The following CDH12 variants were observed in gnomAD, a reference collection of about 807,000 sequenced individuals.
CDH12 encodes the protein cadherin-12.
Under a neutral mutation model 74.1 loss-of-function variants are expected in CDH12, and 41 were observed. That is an observed-to-expected ratio of 0.55 (90% CI 0.43 to 0.72). The LOEUF is 0.72. Ranked by LOEUF, CDH12 falls within the 30% of genes least tolerant of loss-of-function variation. CDH12 has a pLI of 0.00. For synonymous variants in CDH12, 399 were observed against 355.0 expected, an observed-to-expected ratio of 1.12 and a Z score of -1.39; for missense variants, 945 against 977.2, an observed-to-expected ratio of 0.97 and a Z score of 0.44.
chr5:22,573,494 A>C (rs891990234), intron 1 of CDH12, among the ~76,000 whole-genome samples: 10 of 152,140 alleles, frequency 6.6e-5, no homozygotes, highest in Non-Finnish European at 1.0e-4. Flanking sequence ...CACACACACA[A>C]AAAATAATAA....
chr5:21,777,443 G>A (rs1489505593), intron 11 of CDH12, among the ~76,000 whole-genome samples: 1 of 151,676 alleles, frequency 6.6e-6, no homozygotes, highest in Non-Finnish European at 1.5e-5. Flanking sequence ...TATGTACATT[G>A]CAAATAAAAA....
chr5:22,191,811 G>A (rs150709634), intron 4 of CDH12, among the ~76,000 whole-genome samples: 10,306 of 151,908 alleles, frequency 0.068, 462 homozygotes, highest in South Asian at 0.15. Context: ...TGATCCGCCC[G>A]CCTCGGCCTC....
At chr5:22,777,550 T>C (rs973710521) in intron 1 of CDH12, among the ~76,000 whole-genome samples, 1 of 152,010 alleles carries the variant, frequency 6.6e-6, no homozygotes, top group Non-Finnish European at 1.5e-5. Context: ...TGCATTAAAT[T>C]TTCAGTGACA....
chr5:22,531,441 A>G (rs1737578578), intron 1 of CDH12, among the ~76,000 whole-genome samples: 1 of 152,116 alleles, frequency 6.6e-6, no homozygotes, highest in African/African-American at 2.4e-5. Context: ...TTAAATTCAG[A>G]TGTGTATTGT....
intron 1 of CDH12, among the ~76,000 whole-genome samples, chr5:22,780,383 G>C (rs1747325991): frequency 6.6e-6 from 1 of 152,106 alleles, no homozygotes; most frequent in Non-Finnish European, 1.5e-5. Context: ...AAATACGTGA[G>C]ATTGGGTAAT....
intron 1 of CDH12, among the ~76,000 whole-genome samples, chr5:22,757,474 T>C (rs1745986407): frequency 6.6e-6 from 1 of 152,190 alleles, no homozygotes; most frequent in South Asian, 2.1e-4. Flanking sequence ...TAGTTATATA[T>C]AGTATAAAAT....
intron 2 of CDH12, among the ~76,000 whole-genome samples, chr5:22,476,225 G>A (rs769377292): frequency 6.6e-6 from 1 of 151,660 alleles, no homozygotes; most frequent in Non-Finnish European, 1.5e-5. Flanking sequence ...TCTATACTTA[G>A]GCAAACAGAT....
intron 3 of CDH12, among the ~76,000 whole-genome samples, chr5:22,219,471 C>A (rs1751936646): frequency 6.6e-6 from 1 of 151,668 alleles, no homozygotes; most frequent in African/African-American, 2.4e-5. Context: ...TCACTCTCAG[C>A]AAAAGTCAAT....
chr5:22,191,818 C>T (rs1264224916), intron 4 of CDH12, among the ~76,000 whole-genome samples: 2 of 152,058 alleles, frequency 1.3e-5, no homozygotes, highest in Non-Finnish European at 2.9e-5. Flanking sequence ...CCCGCCTCGG[C>T]CTCCCAAAGT....
chr5:22,798,408 C>T (rs913566782), intron 1 of CDH12, among the ~76,000 whole-genome samples: 1 of 151,960 alleles, frequency 6.6e-6, no homozygotes, highest in Non-Finnish European at 1.5e-5. Flanking sequence ...TTAAATTTTA[C>T]AAACAGTGCA....
chr5:22,463,798 T>G lies in CDH12; in HGVS notation c.-428+41472A>C, dbSNP rs182598113. Among the ~76,000 whole-genome samples, 255 of 152,298 alleles carry G rather than the reference T, an allele frequency of 1.7e-3. 2 individuals are homozygous for G. Among genetic ancestry groups the G allele is most frequent in the African/African-American group, 6.1e-3 (252 of 41,562 alleles). ...TAAATGATTTCAAAGTAGATATTAT[T>G]TTATAATAATCAAAAGGGCAGATAA... On this transcript the variant is annotated intron_variant, in intron 2 of 14. Transcript: ENST00000382254.
intron 1 of CDH12, among the ~76,000 whole-genome samples, chr5:22,537,143 A>G (rs1450489253): frequency 6.6e-6 from 1 of 152,204 alleles, no homozygotes; most frequent in Non-Finnish European, 1.5e-5. Flanking sequence ...AACTTTTAGT[A>G]ATATGCACAT....
chr5:21,884,800 G>A (rs1752541585), intron 6 of CDH12, among the ~76,000 whole-genome samples: 1 of 152,140 alleles, frequency 6.6e-6, no homozygotes, highest in African/African-American at 2.4e-5. Context: ...ACAACATTCT[G>A]TGTTTTCCCT....
At chr5:22,204,049 A>G (rs888334905) in intron 4 of CDH12, among the ~76,000 whole-genome samples, 1 of 152,246 alleles carries the variant, frequency 6.6e-6, no homozygotes, top group Non-Finnish European at 1.5e-5. Context: ...ATGGGAGAAC[A>G]TATCTATAAA....
chr5:22,016,853 G>C (rs1420111026), intron 5 of CDH12, among the ~76,000 whole-genome samples: 1 of 152,096 alleles, frequency 6.6e-6, no homozygotes, highest in African/African-American at 2.4e-5. Flanking sequence ...TGTTGTGCTA[G>C]CCAAATGAGT....
intron 6 of CDH12, among the ~76,000 whole-genome samples, chr5:21,874,596 GTA>G (rs1751829330): frequency 1.3e-5 from 2 of 152,150 alleles, no homozygotes; most frequent in African/African-American, 4.8e-5. Context: ...CCCTCCCATT[GTA>G]TGGGAGCTCT....
chr5:22,752,164 T>C (rs1745611787), intron 1 of CDH12, among the ~76,000 whole-genome samples: 2 of 152,188 alleles, frequency 1.3e-5, no homozygotes, highest in Non-Finnish European at 2.9e-5. Context: ...ATTAATATTG[T>C]TTTAGTCATA....
At chr5:22,426,866 C>A (rs1743960130) in intron 2 of CDH12, among the ~76,000 whole-genome samples, 1 of 152,152 alleles carries the variant, frequency 6.6e-6, no homozygotes, top group African/African-American at 2.4e-5. Flanking sequence ...GCATTTCCTA[C>A]CTAAACAAAC....
chr5:22,157,943 G>T (rs1203234238), intron 4 of CDH12, among the ~76,000 whole-genome samples: 1 of 151,724 alleles, frequency 6.6e-6, no homozygotes, highest in Non-Finnish European at 1.5e-5. Flanking sequence ...ATTATAATGA[G>T]ATTCAAATGT....
Sources: gnomAD v4.1 joint callset for allele counts (sites outside exome capture counted in the v4.1 genomes callset) on GRCh38, gnomAD v4.1.1 for gene constraint, MANE v1.5 for transcripts, NCBI Gene and HGNC (gene_info 2026-07-23, HGNC 2026-07-21) for gene names.